The following NTAQ1 variants were observed in gnomAD, a reference collection of about 807,000 sequenced individuals.
NTAQ1 encodes the protein N-terminal glutamine amidase 1, also known as protein N-terminal glutamine amidohydrolase.
Under a neutral mutation model 28.2 loss-of-function variants are expected in NTAQ1, and 21 were observed. The observed-to-expected ratio is 0.74, with a 90% CI of 0.53 to 1.07. The LOEUF (loss-of-function observed/expected upper bound fraction) is 1.07, where lower values mean the gene tolerates loss of function less well. Among genes scored for constraint, NTAQ1 ranks in the 50% least tolerant of loss-of-function variants. The pLI is 0.00. For synonymous variants in NTAQ1, 105 were observed against 90.0 expected, an observed-to-expected ratio of 1.17 and a Z score of -0.94; for missense variants, 264 against 256.6, an observed-to-expected ratio of 1.03 and a Z score of -0.20.
downstream of NTAQ1, among the ~76,000 whole-genome samples, chr8:123,472,589 C>T (rs1816051894): frequency 6.6e-6 from 1 of 152,182 alleles, no homozygotes; most frequent in African/African-American, 2.4e-5. Flanking sequence ...CTCCATTTTA[C>T]ATGGCCTTCC....
At chr8:123,427,348 G>T (rs1050826487) in intron 1 of NTAQ1, among the ~76,000 whole-genome samples, 1 of 145,872 alleles carries the variant, frequency 6.9e-6, no homozygotes, top group Non-Finnish European at 1.5e-5. Flanking sequence ...TGTCTCTCAG[G>T]TTCGAGCAAT....
rs112002121 is a variant in NTAQ1 at position 123,439,428 on chromosome 8, C to T, written c.509-1878C>T. On this transcript the variant is annotated intron_variant, in intron 5 of 5. Coordinates refer to ENST00000287387, the MANE Select transcript of NTAQ1 (RefSeq NM_018024.3). ...TGCGATGTCAGCTCACTGCAAGCTC[C>T]GCCTCCCGGGTTCATGCCATTCTCC... Among the ~76,000 whole-genome samples, 486 of 151,758 alleles carry T rather than the reference C, an allele frequency of 3.2e-3. 3 individuals are homozygous for T. The highest frequency in any genetic ancestry group is 0.011 in the African/African-American group (464 of 41,428).
At chr8:123,467,783 C>G (rs1283530220) in exon 7 of NTAQ1, among the ~76,000 whole-genome samples, 1 of 152,126 alleles carries the variant, frequency 6.6e-6, no homozygotes, top group South Asian at 2.1e-4. Context: ...GAGTTTTGCT[C>G]TTGTTGCCCA....
downstream of NTAQ1, among the ~76,000 whole-genome samples, chr8:123,443,258 G>C (rs1331471312): frequency 2.0e-5 from 3 of 151,706 alleles, no homozygotes; most frequent in African/African-American, 7.3e-5. Flanking sequence ...GACCTCAGGT[G>C]ATCTGCCTGG....
intron 6 of NTAQ1, among the ~76,000 whole-genome samples, chr8:123,461,391 A>G (rs886766402): frequency 6.6e-6 from 1 of 151,970 alleles, no homozygotes; most frequent in Middle Eastern, 3.2e-3. Context: ...AACAACTTCT[A>G]CCGAATTTCC....
At chr8:123,425,130 C>G (rs76826275) in intron 1 of NTAQ1, among the ~76,000 whole-genome samples, 1 of 151,876 alleles carries the variant, frequency 6.6e-6, no homozygotes, top group Non-Finnish European at 1.5e-5. Context: ...CTCTCTCTGT[C>G]GCCCAGGCTG....
the NTAQ1 span, among the ~76,000 whole-genome samples, chr8:123,475,109 G>A: frequency 6.6e-6 from 1 of 152,076 alleles, no homozygotes; most frequent in African/African-American, 2.4e-5. Flanking sequence ...AATATGGGCT[G>A]ATGAATATTT....
intron 6 of NTAQ1, among the ~76,000 whole-genome samples, chr8:123,461,393 C>T (rs546480681): frequency 6.6e-6 from 1 of 152,134 alleles, no homozygotes; most frequent in African/African-American, 2.4e-5. Flanking sequence ...CAACTTCTAC[C>T]GAATTTCCTG....
At chr8:123,435,245 T>G (rs1814634683) in intron 3 of NTAQ1, among the ~76,000 whole-genome samples, 1 of 152,192 alleles carries the variant, frequency 6.6e-6, no homozygotes, top group Non-Finnish European at 1.5e-5. Flanking sequence ...GGCAGTACCT[T>G]GAGTCTGAGA....
downstream of NTAQ1, among the ~76,000 whole-genome samples, chr8:123,445,301 A>G (rs910407769): frequency 2.0e-5 from 3 of 149,570 alleles, no homozygotes; most frequent in Non-Finnish European, 4.4e-5. Flanking sequence ...AGCATCCTAA[A>G]CATATTGTTC....
At chr8:123,456,948 G>C (rs961355914) in intron 6 of NTAQ1, among the ~76,000 whole-genome samples, 37 of 152,124 alleles carry the variant, frequency 2.4e-4, no homozygotes, top group African/African-American at 8.9e-4. Context: ...TGTAGCTGTG[G>C]GCATAACAAC....
downstream of NTAQ1, among the ~76,000 whole-genome samples, chr8:123,473,834 A>G (rs1816065656): frequency 6.6e-6 from 1 of 152,160 alleles, no homozygotes; most frequent in Admixed American, 6.5e-5. Context: ...TATGACCTCT[A>G]ATTGTGAAGG....
chr8:123,430,244 T>C (rs1017377512), intron 3 of NTAQ1, among the ~76,000 whole-genome samples: 4 of 152,236 alleles, frequency 2.6e-5, no homozygotes, highest in African/African-American at 9.6e-5. Context: ...GAAATTATTA[T>C]AGGAATGATT....
downstream of NTAQ1, among the ~76,000 whole-genome samples, chr8:123,471,140 A>G (rs1816037402): frequency 6.6e-6 from 1 of 151,474 alleles, no homozygotes; most frequent in African/African-American, 2.4e-5. Context: ...TATGTTGCCC[A>G]GGCTGGTCTC....
intron 6 of NTAQ1, among the ~76,000 whole-genome samples, chr8:123,457,005 A>G (rs991013660): frequency 6.6e-6 from 1 of 152,148 alleles, no homozygotes. Flanking sequence ...GGGCTGATGA[A>G]ATGTTTATGT....
At chr8:123,449,235 A>C (rs1439129181), downstream of NTAQ1, among the ~76,000 whole-genome samples, 2 of 152,168 alleles carry the variant, frequency 1.3e-5, no homozygotes, top group African/African-American at 4.8e-5. Flanking sequence ...CTCAGTAGTG[A>C]AGCAGAAGCA....
At chr8:123,440,146 CTTTTTTTTTT>C (rs577877415) in intron 5 of NTAQ1, among the ~76,000 whole-genome samples, 1 of 56,540 alleles carries the variant, frequency 1.8e-5, no homozygotes, top group Non-Finnish European at 3.0e-5. Flanking sequence ...GGATTAACTC[CTTTTTTTTTT>C]TTTTTTTTTT....
downstream of NTAQ1, among the ~76,000 whole-genome samples, chr8:123,449,188 G>A (rs926611042): frequency 2.6e-5 from 4 of 152,204 alleles, no homozygotes; most frequent in Admixed American, 6.5e-5. Flanking sequence ...TGGTATTTTG[G>A]TGGTTGACAG....
chr8:123,439,135 GC>G (rs1187748595), intron 5 of NTAQ1, among the ~76,000 whole-genome samples: 1 of 152,024 alleles, frequency 6.6e-6, no homozygotes, highest in Non-Finnish European at 1.5e-5. Context: ...GCTTTTGCCA[GC>G]CCAATTACTA....
Sources: gnomAD v4.1 joint callset for allele counts (sites outside exome capture counted in the v4.1 genomes callset) on GRCh38, gnomAD v4.1.1 for gene constraint, MANE v1.5 for transcripts, NCBI Gene and HGNC (gene_info 2026-07-23, HGNC 2026-07-21) for gene names.